UNC5D: variants seen among roughly 807,000 people sequenced by gnomAD.
The protein encoded by UNC5D is unc-5 netrin receptor D.
In UNC5D, 39 loss-of-function variants were observed where a neutral mutation model predicts 105.4. The observed-to-expected ratio is 0.37, with a 90% CI of 0.29 to 0.48. The LOEUF (loss-of-function observed/expected upper bound fraction) is 0.48. Among genes scored for constraint, UNC5D ranks in the 20% least tolerant of loss-of-function variants. UNC5D has a pLI of 0.98. For synonymous variants in UNC5D, 452 were observed against 450.4 expected, an observed-to-expected ratio of 1.00 and a Z score of -0.04; for missense variants, 991 against 1,202.4, an observed-to-expected ratio of 0.82 and a Z score of 2.60.
chr8:35,432,131 T>C (rs1437232535), intron 1 of UNC5D, among the ~76,000 whole-genome samples: 2 of 152,148 alleles, frequency 1.3e-5, no homozygotes, highest in Non-Finnish European at 2.9e-5. Flanking sequence ...TGACCTTAGG[T>C]AAGTTATTTA....
At chr8:35,618,827 A>G (rs1049459796) in intron 4 of UNC5D, among the ~76,000 whole-genome samples, 9 of 152,302 alleles carry the variant, frequency 5.9e-5, no homozygotes, top group African/African-American at 2.2e-4. Flanking sequence ...ACTGCGTGCC[A>G]TGAAGTTGCT....
At chr8:35,680,758 C>T (rs904777905) in intron 4 of UNC5D, among the ~76,000 whole-genome samples, 17 of 152,214 alleles carry the variant, frequency 1.1e-4, no homozygotes, top group African/African-American at 4.1e-4. Context: ...TTCAGGAGCA[C>T]TGCCCACAGG....
Position 35,384,691 on chromosome 8 carries a change from C to T in UNC5D, c.103+148804C>T, listed in dbSNP as rs1002145090. Among the ~76,000 whole-genome samples the T allele has an allele frequency of 3.9e-5, 6 of 152,062 alleles. No individual in the cohort carries two copies. In the East Asian group the frequency reaches 7.7e-4, roughly 20 times the overall value. ...AGTGACCCACATTTATAGCTTGTGC[C>T]GATTAATTAGCAGGTAAAAATTTCC... On this transcript the variant is annotated intron_variant, in intron 1 of 16. Coordinates refer to ENST00000404895, the MANE Select transcript of UNC5D (RefSeq NM_080872.4).
intron 6 of UNC5D, 65 bp downstream of exon 6, chr8:35,684,814 A>T: frequency 6.7e-7 from 1 of 1,481,850 alleles, no homozygotes; most frequent in South Asian, 1.5e-5. Context: ...GGTGTGAAAC[A>T]ATCAATGTTA....
intron 14 of UNC5D, among the ~76,000 whole-genome samples, chr8:35,761,757 A>G (rs1801543899): frequency 6.6e-6 from 1 of 151,972 alleles, no homozygotes; most frequent in Admixed American, 6.6e-5. Flanking sequence ...TGCCCTTCTC[A>G]TCATTGAAAT....
chr8:35,377,277 C>T (rs2128929358), intron 1 of UNC5D, among the ~76,000 whole-genome samples: 1 of 152,252 alleles, frequency 6.6e-6, no homozygotes, highest in East Asian at 1.9e-4. Context: ...CTTTTAGGAT[C>T]CTCTCCTGGC....
intron 7 of UNC5D, among the ~76,000 whole-genome samples, chr8:35,696,097 G>A (rs1308724059): frequency 2.0e-5 from 3 of 151,906 alleles, no homozygotes; most frequent in Non-Finnish European, 2.9e-5. Context: ...CAGGAGAAAC[G>A]AAATCCAACA....
At chr8:35,458,950 C>T (rs531551375) in intron 1 of UNC5D, among the ~76,000 whole-genome samples, 3 of 152,240 alleles carry the variant, frequency 2.0e-5, no homozygotes, top group Non-Finnish European at 2.9e-5. Context: ...GATGCAGTGG[C>T]ATTTTAATTA....
chr8:35,495,597 T>A (rs1811529320), intron 1 of UNC5D, among the ~76,000 whole-genome samples: 1 of 151,776 alleles, frequency 6.6e-6, no homozygotes, highest in Non-Finnish European at 1.5e-5. Flanking sequence ...GCCTTAAAGC[T>A]AATTTCTGCC....
At chr8:35,391,642 T>G (rs1377557810) in intron 1 of UNC5D, among the ~76,000 whole-genome samples, 1 of 152,164 alleles carries the variant, frequency 6.6e-6, no homozygotes, top group Non-Finnish European at 1.5e-5. Flanking sequence ...TTTATTAGAC[T>G]TACGTAGTAG....
At chr8:35,358,507 C>G (rs1313211782) in intron 1 of UNC5D, among the ~76,000 whole-genome samples, 1 of 152,180 alleles carries the variant, frequency 6.6e-6, no homozygotes, top group African/African-American at 2.4e-5. Context: ...TCAGGGGAAG[C>G]AGAACATCAG....
intron 11 of UNC5D, among the ~76,000 whole-genome samples, chr8:35,736,588 C>T (rs1829480816): frequency 6.6e-6 from 1 of 152,106 alleles, no homozygotes; most frequent in Non-Finnish European, 1.5e-5. Context: ...TAAGCAAATC[C>T]AGTTCTTTAA....
At chr8:35,297,499 A>T (rs1460436677) in intron 1 of UNC5D, among the ~76,000 whole-genome samples, 3 of 152,118 alleles carry the variant, frequency 2.0e-5, no homozygotes, top group Non-Finnish European at 4.4e-5. Context: ...TATTGATGAT[A>T]TTGTTCCCCT....
intron 1 of UNC5D, among the ~76,000 whole-genome samples, chr8:35,495,809 A>C (rs1460185719): frequency 6.6e-6 from 1 of 152,202 alleles, no homozygotes; most frequent in African/African-American, 2.4e-5. Context: ...CTATGAAAGA[A>C]GAGATTTCTT....
At chr8:35,724,714 T>G (rs1385549093) in intron 9 of UNC5D, among the ~76,000 whole-genome samples, 1 of 152,214 alleles carries the variant, frequency 6.6e-6, no homozygotes, top group Non-Finnish European at 1.5e-5. Flanking sequence ...AGGCTAGGGC[T>G]TGAGATAAAA....
intron 1 of UNC5D, among the ~76,000 whole-genome samples, chr8:35,466,376 T>G (rs532352469): frequency 5.3e-5 from 8 of 152,302 alleles, no homozygotes; most frequent in Admixed American, 3.9e-4. Flanking sequence ...TACCTGTGTA[T>G]GCATGTGTGT....
intron 15 of UNC5D, 150 bp downstream of exon 15, chr8:35,767,216 C>A (rs756287341): frequency 1.9e-6 from 2 of 1,051,776 alleles, no homozygotes; most frequent in Non-Finnish European, 2.6e-6. Flanking sequence ...GGAAAATAAG[C>A]TTTGTCGCAT....
At chr8:35,642,598 T>C (rs1330255513) in intron 4 of UNC5D, among the ~76,000 whole-genome samples, 1 of 152,094 alleles carries the variant, frequency 6.6e-6, no homozygotes, top group African/African-American at 2.4e-5. Context: ...TTCTGAAGCC[T>C]GCGAAATCCG....
intron 4 of UNC5D, among the ~76,000 whole-genome samples, chr8:35,625,184 T>C (rs1821631707): frequency 6.6e-6 from 1 of 152,212 alleles, no homozygotes; most frequent in South Asian, 2.1e-4. Context: ...TTGAGTGTTC[T>C]GCAGAGGTTG....
Sources: allele counts gnomAD v4.1 joint callset (sites outside exome capture counted in the v4.1 genomes callset), GRCh38; gene constraint gnomAD v4.1.1; transcripts MANE v1.5; gene names NCBI Gene and HGNC (gene_info 2026-07-23, HGNC 2026-07-21).